RMST: variants seen among roughly 807,000 people sequenced by gnomAD.
RMST encodes rhabdomyosarcoma 2 associated transcript, also known as long intergenic non-protein coding RNA 54.
intron 10 of RMST, among the ~76,000 whole-genome samples, chr12:97,505,160 A>C (rs2136491637): frequency 6.6e-6 from 1 of 152,364 alleles, no homozygotes; most frequent in Non-Finnish European, 1.5e-5. Context: ...CAGTGTCTAA[A>C]GCAAAATCAA....
intron 5 of RMST, among the ~76,000 whole-genome samples, chr12:97,486,516 CT>C (rs1300571281): frequency 2.6e-5 from 4 of 152,140 alleles, no homozygotes; most frequent in Admixed American, 6.6e-5. Context: ...CAGGTTTCAA[CT>C]TTTTCATGAG....
intron 10 of RMST, among the ~76,000 whole-genome samples, chr12:97,529,760 A>G (rs868128357): frequency 2.6e-5 from 4 of 152,238 alleles, no homozygotes; most frequent in Middle Eastern, 6.8e-3. Context: ...ATTACCTAAT[A>G]TATATTGAGA....
chr12:97,503,421 A>G (rs1028741861), intron 10 of RMST, among the ~76,000 whole-genome samples: 2 of 150,980 alleles, frequency 1.3e-5, no homozygotes, highest in Admixed American at 6.6e-5. Context: ...TTTCAAAAAC[A>G]CTCCCTTTCT....
At chr12:97,525,931 G>A (rs1046457766) in intron 10 of RMST, among the ~76,000 whole-genome samples, 7 of 152,100 alleles carry the variant, frequency 4.6e-5, no homozygotes, top group Admixed American at 2.6e-4. Context: ...ATAGCAGTGC[G>A]AACCCTGTTG....
Position 97,527,317 on chromosome 12 carries a change from G to A in RMST, n.1341-3338G>A, listed in dbSNP as rs1044770444. Among the ~76,000 whole-genome samples, 82 of 152,082 alleles carry A rather than the reference G, an allele frequency of 5.4e-4. 1 individual carries two copies. Among genetic ancestry groups the A allele is most frequent in the Non-Finnish European group, 1.3e-4 (9 of 68,014 alleles). ...CTAGATTGCTTTGTTCTCACCAACTGCTTCAACCGTTAAAACATTCCACAC... is the reference window on the plus strand; with the variant it reads ...CTAGATTGCTTTGTTCTCACCAACTACTTCAACCGTTAAAACATTCCACAC... On this transcript the variant is annotated intron_variant and non_coding_transcript_variant, in intron 10 of 13. Transcript: ENST00000640149.
chr12:97,479,831 G>T (rs1176735849), intron 5 of RMST, among the ~76,000 whole-genome samples: 1 of 152,026 alleles, frequency 6.6e-6, no homozygotes, highest in Non-Finnish European at 1.5e-5. Context: ...CTGCAGTTCA[G>T]ACTCAAATAT....
At chr12:97,492,497 G>T (rs1876954557) in exon 6 of RMST, 1 of 157,548 alleles carries the variant, frequency 6.3e-6, no homozygotes, top group African/African-American at 2.4e-5. Context: ...GGAATAGGTT[G>T]CCAACTGTAG....
chr12:97,549,907 G>A (rs549555029), intron 11 of RMST, among the ~76,000 whole-genome samples: 6 of 152,306 alleles, frequency 3.9e-5, no homozygotes, highest in African/African-American at 1.2e-4. Context: ...AGAACAAAGT[G>A]AAATAACCCA....
chr12:97,502,030 C>T (rs1195998676), intron 10 of RMST, among the ~76,000 whole-genome samples: 2 of 152,026 alleles, frequency 1.3e-5, no homozygotes, highest in Non-Finnish European at 2.9e-5. Flanking sequence ...GGAAGAGGTA[C>T]TAGATTAGAA....
At chr12:97,522,125 A>G (rs1880575826) in intron 10 of RMST, among the ~76,000 whole-genome samples, 1 of 152,240 alleles carries the variant, frequency 6.6e-6, no homozygotes, top group South Asian at 2.1e-4. Flanking sequence ...CTTGTGATTT[A>G]TAAGTCCCTA....
At chr12:97,544,024 A>G (rs1449125965) in intron 11 of RMST, among the ~76,000 whole-genome samples, 1 of 151,998 alleles carries the variant, frequency 6.6e-6, no homozygotes. Flanking sequence ...CACTTTTCCT[A>G]TTTTGTATTA....
intron 11 of RMST, among the ~76,000 whole-genome samples, chr12:97,531,916 G>C (rs1183036668): frequency 6.6e-6 from 1 of 151,788 alleles, no homozygotes; most frequent in Non-Finnish European, 1.5e-5. Flanking sequence ...CTTTCTCATG[G>C]TTTTATTTCT....
At chr12:97,480,089 C>CTTTTTTTTTTTTT (rs369247317) in intron 5 of RMST, among the ~76,000 whole-genome samples, 2 of 90,962 alleles carry the variant, frequency 2.2e-5, no homozygotes, top group African/African-American at 7.6e-5. Flanking sequence ...TTTCTTTTTT[C>CTTTTTTTTTTTTT]TTTTTTTTTC....
At chr12:97,503,287 G>A (rs1330187805) in intron 10 of RMST, among the ~76,000 whole-genome samples, 4 of 152,074 alleles carry the variant, frequency 2.6e-5, no homozygotes, top group African/African-American at 4.8e-5. Flanking sequence ...CACCTAAATA[G>A]CATTTAATTT....
chr12:97,564,045 G>A, intron 13 of RMST: 1 of 343,980 alleles, frequency 2.9e-6, no homozygotes, highest in African/African-American at 2.1e-5. Flanking sequence ...AGATTTGACA[G>A]CTGAGAAATC....
intron 5 of RMST, among the ~76,000 whole-genome samples, chr12:97,482,409 TGCCA>T (rs1875417318): frequency 1.3e-5 from 2 of 152,130 alleles, no homozygotes; most frequent in African/African-American, 4.8e-5. Flanking sequence ...GGTAATGGTT[TGCCA>T]GCCCTCCATG....
intron 10 of RMST, among the ~76,000 whole-genome samples, chr12:97,527,847 T>G (rs1178220322): frequency 6.6e-6 from 1 of 152,176 alleles, no homozygotes; most frequent in Non-Finnish European, 1.5e-5. Flanking sequence ...TGAGTTTTCC[T>G]GTTTCAGAGT....
At chr12:97,498,318 G>A (rs1485674735) in intron 10 of RMST, among the ~76,000 whole-genome samples, 1 of 152,128 alleles carries the variant, frequency 6.6e-6, no homozygotes, top group Non-Finnish European at 1.5e-5. Flanking sequence ...CACAAATATG[G>A]TGGTTGAACC....
intron 10 of RMST, among the ~76,000 whole-genome samples, chr12:97,520,250 C>T (rs748597098): frequency 3.3e-5 from 5 of 152,038 alleles, no homozygotes; most frequent in Admixed American, 6.6e-5. Context: ...GGAGCAGGTG[C>T]GAGCTTCCAA....
Sources: allele counts gnomAD v4.1 joint callset (sites outside exome capture counted in the v4.1 genomes callset), GRCh38; gene constraint gnomAD v4.1.1; transcripts MANE v1.5; gene names NCBI Gene and HGNC (gene_info 2026-07-23, HGNC 2026-07-21).